Variants in NUP210L observed in about 807,000 individuals in gnomAD.
NUP210L encodes nucleoporin 210 like.
A neutral mutation model predicts 208.5 loss-of-function variants in NUP210L; 74 were observed. The ratio of observed to expected loss-of-function variants is 0.35; its 90% CI spans 0.29 to 0.43. The LOEUF is 0.43. NUP210L is among the 20% of genes least tolerant of loss of function. The pLI is 1.00. For synonymous variants in NUP210L, 780 were observed against 816.9 expected, an observed-to-expected ratio of 0.95 and a Z score of 0.77; for missense variants, 1,843 against 2,289.4, an observed-to-expected ratio of 0.81 and a Z score of 3.98.
chr1:154,015,739 A>AC (rs1651200543), intron 33 of NUP210L, among the ~76,000 whole-genome samples: 1 of 150,518 alleles, frequency 6.6e-6, no homozygotes, highest in African/African-American at 2.5e-5. Flanking sequence ...ACACACACAC[A>AC]CACACACACA....
At chr1:154,052,393 A>G (rs1274453735) in intron 25 of NUP210L, among the ~76,000 whole-genome samples, 10 of 152,150 alleles carry the variant, frequency 6.6e-5, no homozygotes, top group African/African-American at 1.7e-4. Flanking sequence ...GAGGACCCCA[A>G]CTGTCATGAG....
intron 17 of NUP210L, among the ~76,000 whole-genome samples, chr1:154,064,920 C>T (rs1156718188): frequency 2.7e-5 from 4 of 150,724 alleles, no homozygotes; most frequent in Non-Finnish European, 5.9e-5. Context: ...ACTAAAAATA[C>T]AAAAAATTAG....
At chr1:154,057,690 ATGTGTGTGTGTG>A (rs4060104) in intron 22 of NUP210L, among the ~76,000 whole-genome samples, 82 of 125,484 alleles carry the variant, frequency 6.5e-4, no homozygotes, top group Non-Finnish European at 8.6e-4. Flanking sequence ...AGGACCTCGA[ATGTGTGTGTGTG>A]TGTGTGTGTG....
At chr1:154,140,825 T>TACA (rs1210892912) in intron 4 of NUP210L, among the ~76,000 whole-genome samples, 4 of 146,180 alleles carry the variant, frequency 2.7e-5, no homozygotes, top group African/African-American at 7.6e-5. Context: ...CTACTAAAAA[T>TACA]ACAACAACAA....
chr1:154,079,601 G>A (rs1655209895), intron 16 of NUP210L: 1 of 152,112 alleles, frequency 6.6e-6, no homozygotes, highest in Non-Finnish European at 1.5e-5. Context: ...GCATGTGAAT[G>A]GGAGAAAAAG....
intron 14 of NUP210L, among the ~76,000 whole-genome samples, chr1:154,098,236 AACC>A (rs1656271814): frequency 6.6e-6 from 1 of 152,184 alleles, no homozygotes; most frequent in Non-Finnish European, 1.5e-5. Context: ...AGACTCCAGG[AACC>A]ACAGGGCCCC....
chr1:154,013,006 CAAAA>C (rs149011212), intron 33 of NUP210L, among the ~76,000 whole-genome samples: 3 of 72,636 alleles, frequency 4.1e-5, no homozygotes, highest in East Asian at 9.3e-4. Flanking sequence ...AACTCTGAAT[CAAAA>C]AAAAAAAAAA....
chr1:153,994,360 G>C (rs540120885), intron 38 of NUP210L, among the ~76,000 whole-genome samples: 2 of 152,094 alleles, frequency 1.3e-5, no homozygotes, highest in African/African-American at 4.8e-5. Flanking sequence ...TGTCACCCAG[G>C]CTGAAGTGCA....
At chr1:154,055,151 CTT>C (rs1335094215) in intron 23 of NUP210L, among the ~76,000 whole-genome samples, 1,335 of 118,950 alleles carry the variant, frequency 0.011, 45 homozygotes, top group African/African-American at 0.035. Flanking sequence ...TTCTTTCTTT[CTT>C]TCTTTCTTTC....
intron 16 of NUP210L, among the ~76,000 whole-genome samples, chr1:154,086,905 T>A (rs998889654): frequency 6.6e-6 from 1 of 152,008 alleles, no homozygotes; most frequent in African/African-American, 2.4e-5. Context: ...GTAGACTATA[T>A]GAAATGAAGA....
At chr1:154,093,433 A>G (rs1437153282) in intron 15 of NUP210L, among the ~76,000 whole-genome samples, 2 of 152,176 alleles carry the variant, frequency 1.3e-5, no homozygotes, top group Non-Finnish European at 2.9e-5. Context: ...CATCTCAAAA[A>G]AAAAAGATGG....
intron 3 of NUP210L, among the ~76,000 whole-genome samples, chr1:154,143,181 T>G (rs1271474967): frequency 7.3e-6 from 1 of 137,670 alleles, no homozygotes; most frequent in African/African-American, 2.7e-5. Flanking sequence ...AAAGCAAAAC[T>G]CTGTTCCCCT....
chr1:154,142,564 C>A (rs1345062517), intron 3 of NUP210L, among the ~76,000 whole-genome samples: 1 of 152,104 alleles, frequency 6.6e-6, no homozygotes, highest in South Asian at 2.1e-4. Flanking sequence ...TAGGGCCCAT[C>A]AACAGAAGCT....
chr1:153,995,134 G>A lies in NUP210L; in HGVS notation c.5433C>T (p.Tyr1811=), dbSNP rs1345447348. ...CAAAGAGGGTCAAGAGCAGGATCTG[G>A]TAAGAGCCAGTGAACCGCTTGAGGA... Residue 1811 remains tyrosine (Y), a synonymous_variant, in exon 38 of 40, where the codon TAC becomes TAT. Coordinates refer to ENST00000368559, the Ensembl canonical transcript of NUP210L. 3 of 1,614,074 alleles carry A rather than the reference G, an allele frequency of 1.9e-6. 1 individual carries two copies. The South Asian group carries it at 3.3e-5, about 18-fold the overall frequency.
rs374870171 is a variant in NUP210L, at chr1:154,046,344, T to C, written c.3509A>G (p.Gln1170Arg). The C allele has an allele frequency of 2.5e-5, 41 of 1,614,062 alleles. No homozygotes were observed. In the African/African-American group the frequency reaches 4.8e-4, roughly 19 times the overall value. ...TGCAAGGATCCTAACAGCCCTTAGCTGAACAACTTCAATCTGTACTTCATC... is the reference window on the plus strand; with the variant it reads ...TGCAAGGATCCTAACAGCCCTTAGCCGAACAACTTCAATCTGTACTTCATC... The change falls in exon 26 of 40, where the codon CAG (glutamine) becomes CGG (arginine). Residue 1170 changes from glutamine (Q) to arginine (R), a missense_variant. Physicochemically the swap from Gln to Arg is conservative, Grantham distance 43. Around this residue, in one of 5 missense-constraint regions of NUP210L, gnomAD observed 781 missense variants for 973.8 expected, o/e 0.80. Transcript: ENST00000368559.
chr1:154,031,253 C>T (rs777053158), intron 27 of NUP210L, among the ~76,000 whole-genome samples: 11 of 152,058 alleles, frequency 7.2e-5, no homozygotes, highest in Non-Finnish European at 1.2e-4. Flanking sequence ...CTATGCCCGA[C>T]TAATTTTTGT....
rs767007039 is a variant in NUP210L at position 154,025,748 on chromosome 1, T to C, written c.3948-32A>G. ...AACAAGGAAAGGAAGTGGCATCTTT[T>C]TGGGGTCCTGTCTGACCAGAGAGAA... On this transcript the variant is annotated intron_variant, in intron 29 of 39. Transcript: ENST00000368559. The C allele has an allele frequency of 6.9e-6, 11 of 1,599,436 alleles. No homozygotes were observed. In the Admixed American group the frequency reaches 8.5e-5, roughly 12 times the overall value.
At chr1:154,125,771 T>G (rs1450179837) in intron 10 of NUP210L, among the ~76,000 whole-genome samples, 1 of 48,794 alleles carries the variant, frequency 2.0e-5, no homozygotes, top group African/African-American at 6.5e-5. Flanking sequence ...TTTTTTTTTT[T>G]TTTTTTTTTT....
chr1:154,041,326 A>G (rs1283847675), intron 27 of NUP210L, among the ~76,000 whole-genome samples: 1 of 151,686 alleles, frequency 6.6e-6, no homozygotes, highest in African/African-American at 2.4e-5. Flanking sequence ...TTGTTTATGT[A>G]TTTATGTATT....
Sources: gnomAD v4.1 joint callset for allele counts (sites outside exome capture counted in the v4.1 genomes callset) on GRCh38, gnomAD v4.1.1 for gene constraint, gnomAD v4.1.1 regional missense constraint, MANE v1.5 for transcripts, NCBI Gene and HGNC (gene_info 2026-07-23, HGNC 2026-07-21) for gene names.